Variants in PSMD14 observed in about 807,000 individuals in gnomAD.
PSMD14 encodes the protein proteasome 26S subunit, non-ATPase 14.
PSMD14 carries 7 observed loss-of-function variants against 41.2 expected under a neutral mutation model. The observed-to-expected ratio is 0.17, with a 90% CI of 0.10 to 0.32. PSMD14 has a LOEUF of 0.32. Ranked by LOEUF, PSMD14 falls within the 10% of genes least tolerant of loss-of-function variation. The probability of loss-of-function intolerance (pLI) is 1.00; values close to 1 mark genes in which losing one functional copy is unlikely to be tolerated. For synonymous variants in PSMD14, 114 were observed against 122.3 expected, an observed-to-expected ratio of 0.93 and a Z score of 0.45; for missense variants, 139 against 375.6, an observed-to-expected ratio of 0.37 and a Z score of 5.21.
intron 9 of PSMD14, among the ~76,000 whole-genome samples, chr2:161,393,694 A>C (rs1487250760): frequency 1.3e-5 from 2 of 152,160 alleles, no homozygotes; most frequent in Non-Finnish European, 2.9e-5. Flanking sequence ...GTCATTTTAT[A>C]GCCATCATTT....
At chr2:161,328,915 T>C (rs1413825899) in intron 3 of PSMD14, among the ~76,000 whole-genome samples, 1 of 152,112 alleles carries the variant, frequency 6.6e-6, no homozygotes, top group Non-Finnish European at 1.5e-5. Context: ...TAACATTAAA[T>C]AACATTTTTC....
chr2:161,369,867 T>C (rs774603415), intron 5 of PSMD14, among the ~76,000 whole-genome samples: 1 of 152,010 alleles, frequency 6.6e-6, no homozygotes, highest in African/African-American at 2.4e-5. Context: ...TACACAGCAA[T>C]GGCCATATAC....
chr2:161,403,234 A>G (rs1171955678), intron 10 of PSMD14, among the ~76,000 whole-genome samples: 1 of 152,230 alleles, frequency 6.6e-6, no homozygotes, highest in Non-Finnish European at 1.5e-5. Flanking sequence ...GAGTGCTGAT[A>G]CATGCTACTA....
intron 3 of PSMD14, among the ~76,000 whole-genome samples, chr2:161,359,980 A>T (rs776227347): frequency 1.3e-5 from 2 of 152,194 alleles, no homozygotes; most frequent in Non-Finnish European, 2.9e-5. Flanking sequence ...GTAGCACATG[A>T]TGAATACTTA....
intron 10 of PSMD14, among the ~76,000 whole-genome samples, chr2:161,407,118 A>T (rs960779120): frequency 6.6e-6 from 1 of 152,112 alleles, no homozygotes; most frequent in Non-Finnish European, 1.5e-5. Context: ...TGGAGTACAA[A>T]CTTATGTGAA....
intron 8 of PSMD14, among the ~76,000 whole-genome samples, chr2:161,388,391 A>G (rs758456753): frequency 1.1e-4 from 17 of 152,114 alleles, no homozygotes; most frequent in Non-Finnish European, 2.5e-4. Context: ...CAGTGAGGTA[A>G]TGTAGGAACT....
chr2:161,324,634 T>C (rs77609198), intron 3 of PSMD14, among the ~76,000 whole-genome samples: 1 of 135,856 alleles, frequency 7.4e-6, no homozygotes, highest in Non-Finnish European at 1.6e-5. Context: ...TCTTTCTTTC[T>C]TTTTTTTTTT....
chr2:161,387,807 A>G (rs1266271019), intron 8 of PSMD14, among the ~76,000 whole-genome samples: 1 of 151,918 alleles, frequency 6.6e-6, no homozygotes, highest in Admixed American at 6.6e-5. Flanking sequence ...GCTTTTAGAA[A>G]ATGTTATTTT....
At chr2:161,329,150 T>G (rs1682750887) in intron 3 of PSMD14, among the ~76,000 whole-genome samples, 2 of 152,028 alleles carry the variant, frequency 1.3e-5, no homozygotes, top group African/African-American at 4.8e-5. Flanking sequence ...AGCAAAGGAG[T>G]TATGCTTATC....
intron 3 of PSMD14, among the ~76,000 whole-genome samples, chr2:161,359,559 C>T (rs1683260539): frequency 6.6e-6 from 1 of 152,022 alleles, no homozygotes; most frequent in Admixed American, 6.6e-5. Flanking sequence ...AGTATCTATA[C>T]AGTGTATAGT....
At chr2:161,361,852 A>G (rs1683293553) in intron 3 of PSMD14, among the ~76,000 whole-genome samples, 1 of 152,172 alleles carries the variant, frequency 6.6e-6, no homozygotes, top group Non-Finnish European at 1.5e-5. Context: ...ATACACAAGA[A>G]TTTCCATTTT....
chr2:161,370,086 T>A, intron 5 of PSMD14, 21 bp from the exon 6 acceptor site: 1 of 1,511,592 alleles, frequency 6.6e-7, no homozygotes. Context: ...AATTAATAAT[T>A]TTTCTTTCTT....
At chr2:161,403,084 C>T (rs895221608) in intron 10 of PSMD14, among the ~76,000 whole-genome samples, 12 of 152,072 alleles carry the variant, frequency 7.9e-5, no homozygotes, top group African/African-American at 2.2e-4. Context: ...AAACAAAAAG[C>T]GTGTATATGA....
intron 11 of PSMD14, 38 bp from the exon 12 acceptor site, chr2:161,411,264 T>TG: frequency 7.1e-7 from 1 of 1,416,152 alleles, no homozygotes; most frequent in Non-Finnish European, 9.7e-7. Context: ...ACCAGTAATA[T>TG]GGTTCTGTTT....
At chr2:161,347,484 A>G (rs1574124927) in intron 3 of PSMD14, among the ~76,000 whole-genome samples, 1 of 152,126 alleles carries the variant, frequency 6.6e-6, no homozygotes, top group African/African-American at 2.4e-5. Context: ...AATATTCTAG[A>G]TGGAATTCTC....
intron 2 of PSMD14, among the ~76,000 whole-genome samples, chr2:161,317,706 A>G (rs1689161054): frequency 6.6e-6 from 1 of 152,174 alleles, no homozygotes; most frequent in Admixed American, 6.5e-5. Flanking sequence ...TTGGTGGGGG[A>G]TAATATATAA....
At chr2:161,309,074 T>C (rs1462799358) in intron 1 of PSMD14, among the ~76,000 whole-genome samples, 1 of 152,180 alleles carries the variant, frequency 6.6e-6, no homozygotes, top group African/African-American at 2.4e-5. Context: ...CTCCAAAAAG[T>C]AAACAAAAGT....
rs71281822 is a variant in PSMD14 at position 161,357,076 on chromosome 2, C to CTTTTTTTTTTTTTTTTTTTT, written c.49-10390_49-10389insTTTTTTTTTTTTTTTTTTTT. ...TTTATGCTGTTATAATGGCAAATGC[C>CTTTTTTTTTTTTTTTTTTTT]TTTTTTTTTTTTAGCACTTAGTCAA... On this transcript the variant is annotated intron_variant, in intron 3 of 11. Coordinates refer to ENST00000409682, the MANE Select transcript of PSMD14 (RefSeq NM_005805.6). Among the ~76,000 whole-genome samples the CTTTTTTTTTTTTTTTTTTTT allele has an allele frequency of 2.5e-3, 314 of 124,050 alleles. 25 individuals carry two copies. The highest frequency in any genetic ancestry group is 0.02 in the East Asian group (71 of 3,602). 81.4% of individuals were successfully genotyped at this position (124,050 alleles called of 152,430 possible). A position where few individuals can be genotyped will look rare whatever the true frequency, so the allele number is the denominator to read the frequency against.
chr2:161,346,958 T>G (rs1220402143), intron 3 of PSMD14, among the ~76,000 whole-genome samples: 4 of 151,874 alleles, frequency 2.6e-5, no homozygotes, highest in African/African-American at 9.7e-5. Context: ...ATCTCTAGGG[T>G]TTTCTCTCTT....
Sources: gnomAD v4.1 joint callset for allele counts (sites outside exome capture counted in the v4.1 genomes callset) on GRCh38, gnomAD v4.1.1 for gene constraint, MANE v1.5 for transcripts, NCBI Gene and HGNC (gene_info 2026-07-23, HGNC 2026-07-21) for gene names.